ERBIN: variants seen among roughly 807,000 people sequenced by gnomAD.
The protein encoded by ERBIN is densin-180-like protein.
In ERBIN, 60 loss-of-function variants were observed where a neutral mutation model predicts 158.4. The observed-to-expected ratio is 0.38, with a 90% CI of 0.31 to 0.47. The LOEUF is 0.47. Among genes scored for constraint, ERBIN ranks in the 20% least tolerant of loss-of-function variants. ERBIN has a pLI of 0.99. For synonymous variants in ERBIN, 594 were observed against 557.2 expected (o/e 1.07, Z -0.93); for missense variants, 1,610 against 1,648.0 (o/e 0.98, Z 0.40).
intron 1 of ERBIN, among the ~76,000 whole-genome samples, chr5:65,976,884 A>G (rs1259051496): frequency 4.0e-5 from 6 of 150,996 alleles, no homozygotes; most frequent in Non-Finnish European, 8.9e-5. Flanking sequence ...TTCTTAATAC[A>G]GAACAAAATG....
At chr5:65,947,858 T>G (rs1403914450) in intron 1 of ERBIN, among the ~76,000 whole-genome samples, 2 of 151,828 alleles carry the variant, frequency 1.3e-5, no homozygotes, top group Non-Finnish European at 2.9e-5. Context: ...AATACAAAAA[T>G]TAGCCAGGCA....
chr5:66,041,404 A>C (rs1406045704), intron 15 of ERBIN, among the ~76,000 whole-genome samples: 2 of 152,020 alleles, frequency 1.3e-5, no homozygotes, highest in African/African-American at 2.4e-5. Context: ...CCACATTGAC[A>C]TCATTCAGGA....
intron 1 of ERBIN, among the ~76,000 whole-genome samples, chr5:65,966,528 A>G (rs1748637809): frequency 1.3e-5 from 2 of 152,036 alleles, no homozygotes; most frequent in Non-Finnish European, 2.9e-5. Context: ...TAAAAATACT[A>G]AATTAACCGG....
chr5:65,972,308 A>G (rs1390517259), intron 1 of ERBIN, among the ~76,000 whole-genome samples: 2 of 151,886 alleles, frequency 1.3e-5, no homozygotes, highest in African/African-American at 4.9e-5. Flanking sequence ...GAGCTTTGAC[A>G]TTTGTGGACC....
intron 21 of ERBIN, among the ~76,000 whole-genome samples, chr5:66,055,426 G>T (rs923642415): frequency 6.6e-6 from 1 of 152,096 alleles, no homozygotes; most frequent in Non-Finnish European, 1.5e-5. Flanking sequence ...ATGGCTTCTG[G>T]CATGGCATTT....
At chr5:66,046,831 C>T (rs1758495856) in intron 18 of ERBIN, among the ~76,000 whole-genome samples, 1 of 151,878 alleles carries the variant, frequency 6.6e-6, no homozygotes, top group Non-Finnish European at 1.5e-5. Flanking sequence ...ATAGGCATAC[C>T]CAATTATTTA....
At chr5:66,021,741 G>T (rs1356650626) in intron 8 of ERBIN, among the ~76,000 whole-genome samples, 1 of 152,100 alleles carries the variant, frequency 6.6e-6, no homozygotes. Flanking sequence ...ATGGGGTATT[G>T]CTTGTTAACT....
chr5:65,971,074 G>A (rs1450407855), intron 1 of ERBIN, among the ~76,000 whole-genome samples: 1 of 152,158 alleles, frequency 6.6e-6, no homozygotes, highest in African/African-American at 2.4e-5. Context: ...GATTCCTTTT[G>A]TTATTTTAGT....
At chr5:65,940,281 G>A (rs1263369353) in intron 1 of ERBIN, among the ~76,000 whole-genome samples, 3 of 148,204 alleles carry the variant, frequency 2.0e-5, no homozygotes, top group Admixed American at 6.7e-5. Context: ...CAGCCGCCCC[G>A]TCTGAGAAGT....
intron 14 of ERBIN, among the ~76,000 whole-genome samples, chr5:66,028,907 G>C (rs940410416): frequency 6.6e-6 from 1 of 152,026 alleles, no homozygotes; most frequent in Admixed American, 6.6e-5. Context: ...TTATCTTCTT[G>C]TTCCTGCTTA....
intron 14 of ERBIN, among the ~76,000 whole-genome samples, chr5:66,028,961 A>C (rs542326782): frequency 5.9e-5 from 9 of 152,292 alleles, no homozygotes; most frequent in Non-Finnish European, 1.3e-4. Flanking sequence ...ATGTTGTTGC[A>C]AGTGACAGGA....
chr5:66,043,021 A>G, intron 15 of ERBIN, 56 bp from the exon 16 acceptor site: 1 of 1,313,600 alleles, frequency 7.6e-7, no homozygotes, highest in Non-Finnish European at 1.1e-6. Flanking sequence ...AGCAAGTGAT[A>G]GTTTTCCATA....
At chr5:65,931,536 T>G (rs1282247100) in intron 1 of ERBIN, among the ~76,000 whole-genome samples, 1 of 152,060 alleles carries the variant, frequency 6.6e-6, no homozygotes, top group East Asian at 1.9e-4. Context: ...AAACAGAAAT[T>G]AAAAAAAATT....
chr5:65,964,060 A>G (rs1277799006), intron 1 of ERBIN, among the ~76,000 whole-genome samples: 1 of 151,966 alleles, frequency 6.6e-6, no homozygotes, highest in Non-Finnish European at 1.5e-5. Context: ...CGGCCTCCCA[A>G]AGTGTTGGGA....
intron 1 of ERBIN, among the ~76,000 whole-genome samples, chr5:65,931,129 T>G (rs1341280580): frequency 6.6e-6 from 1 of 152,270 alleles, no homozygotes; most frequent in Non-Finnish European, 1.5e-5. Flanking sequence ...GCATATTGAA[T>G]GTAGTAGAAA....
chr5:66,046,244 A>T lies in ERBIN; in HGVS notation c.1603-109A>T, dbSNP rs577326358. 14 of 558,722 alleles carry T rather than the reference A, an allele frequency of 2.5e-5. 1 individual carries two copies. The African/African-American group carries it at 2.7e-4, about 11-fold the overall frequency. 34.6% of individuals were successfully genotyped at this position (558,722 alleles called of 1,614,324 possible). A position where few individuals can be genotyped will look rare whatever the true frequency, so the allele number is the denominator to read the frequency against. On this transcript the variant is annotated intron_variant, in intron 17 of 25. Transcript: ENST00000284037. The stretch of plus-strand genomic sequence containing the variant: ...TATGTTTAAAGTTTTCATGTTTGAG[A>T]TTAGTCCAGAATTGGAAGTTGGCAA...
At chr5:66,044,104 G>T (rs1275722327) in intron 16 of ERBIN, 33 bp from the exon 17 acceptor site, 1 of 1,437,378 alleles carries the variant, frequency 7.0e-7, no homozygotes, top group East Asian at 2.4e-5. Context: ...AGAAATATTT[G>T]TACTTCATAT....
At chr5:65,977,355 C>T (rs1358591052) in intron 1 of ERBIN, among the ~76,000 whole-genome samples, 2 of 150,652 alleles carry the variant, frequency 1.3e-5, no homozygotes, top group Non-Finnish European at 1.5e-5. Flanking sequence ...TCCTCACTTC[C>T]CAGACGGGGT....
chr5:65,952,725 T>C (rs1746658967), intron 1 of ERBIN, among the ~76,000 whole-genome samples: 1 of 152,228 alleles, frequency 6.6e-6, no homozygotes, highest in African/African-American at 2.4e-5. Flanking sequence ...TGTATATTAA[T>C]TTGTCTTAAT....
Sources: allele counts gnomAD v4.1 joint callset (sites outside exome capture counted in the v4.1 genomes callset), GRCh38; gene constraint gnomAD v4.1.1; transcripts MANE v1.5; gene names NCBI Gene and HGNC (gene_info 2026-07-23, HGNC 2026-07-21).